Variants in SDC2 observed in about 807,000 individuals in gnomAD.
SDC2 encodes the protein syndecan 2, also known as syndecan-2.
Under a neutral mutation model 22.2 loss-of-function variants are expected in SDC2, and 13 were observed. The ratio of observed to expected loss-of-function variants is 0.59; its 90% CI spans 0.38 to 0.93. The LOEUF (loss-of-function observed/expected upper bound fraction) is 0.93. Ranked by LOEUF, SDC2 falls within the 40% of genes least tolerant of loss-of-function variation. SDC2 has a pLI of 0.00. For missense variants in SDC2, 235 were observed against 246.8 expected (o/e 0.95, Z 0.32); for synonymous variants, 94 against 92.8 (o/e 1.01, Z -0.07).
chr8:96,511,594 A>G (rs73271664), intron 1 of SDC2, among the ~76,000 whole-genome samples: 9,095 of 152,184 alleles, frequency 0.06, 902 homozygotes, highest in African/African-American at 0.21. Context: ...GACTCAGGGA[A>G]GCAATCACTG....
At chr8:96,601,992 T>A (rs1814996733) in intron 2 of SDC2, among the ~76,000 whole-genome samples, 1 of 152,070 alleles carries the variant, frequency 6.6e-6, no homozygotes, top group Admixed American at 6.5e-5. Context: ...TCTCCTGACC[T>A]CGTGATCCGC....
At chr8:96,547,443 C>T (rs1411960088) in intron 1 of SDC2, among the ~76,000 whole-genome samples, 3 of 152,184 alleles carry the variant, frequency 2.0e-5, no homozygotes, top group East Asian at 3.9e-4. Flanking sequence ...CAACGCTGTC[C>T]ACTGGGCTAT....
At chr8:96,580,603 A>G in intron 1 of SDC2, 1 of 830,284 alleles carries the variant, frequency 1.2e-6, no homozygotes, top group East Asian at 1.2e-4. Flanking sequence ...TCTATTAAAT[A>G]TTAGAAACAT....
At chr8:96,516,297 T>C (rs73271673) in intron 1 of SDC2, among the ~76,000 whole-genome samples, 9,279 of 152,198 alleles carry the variant, frequency 0.061, 975 homozygotes, top group African/African-American at 0.21. Flanking sequence ...GATCAAAACA[T>C]AGCAAGCGTT....
chr8:96,602,523 A>T lies in SDC2; in HGVS notation c.301A>T (p.Thr101Ser). The T allele has an allele frequency of 6.2e-7, 1 of 1,614,032 alleles. No individual in the cohort carries two copies. Among genetic ancestry groups the T allele is most frequent in the Non-Finnish European group, 8.5e-7 (1 of 1,179,934 alleles). The change falls in exon 3 of 5, where the codon ACA (threonine) becomes TCA (serine). Residue 101 changes from threonine to serine, a missense_variant. Transcript: ENST00000302190. ...TATACAGAACAAGATACCTGCTCAG[A>T]CAAAGGTGCGTTCTATTTTCCATTG... ...LNIQNKIPAQ[T>S]KSPEETDKEK... is the part of the protein sequence containing the mutation.
At chr8:96,511,641 A>G (rs921469316) in intron 1 of SDC2, among the ~76,000 whole-genome samples, 1 of 152,184 alleles carries the variant, frequency 6.6e-6, no homozygotes, top group East Asian at 1.9e-4. Flanking sequence ...TGAAGGACCC[A>G]GGACCATTTC....
intron 1 of SDC2, among the ~76,000 whole-genome samples, chr8:96,506,610 A>G (rs1011231623): frequency 6.6e-6 from 1 of 152,042 alleles, no homozygotes; most frequent in Non-Finnish European, 1.5e-5. Flanking sequence ...CTGAGTAGCT[A>G]GGACTACAGG....
intron 1 of SDC2, among the ~76,000 whole-genome samples, chr8:96,530,288 C>T (rs1813639787): frequency 1.3e-5 from 2 of 152,076 alleles, no homozygotes; most frequent in African/African-American, 2.4e-5. Flanking sequence ...GTTAATATGC[C>T]ATAACATAAT....
chr8:96,557,816 A>G (rs188424951), intron 1 of SDC2, among the ~76,000 whole-genome samples: 6 of 152,270 alleles, frequency 3.9e-5, no homozygotes, highest in Admixed American at 2.6e-4. Flanking sequence ...GCTGAACAGT[A>G]TTTTTATCTC....
intron 1 of SDC2, among the ~76,000 whole-genome samples, chr8:96,510,704 T>C (rs1294135012): frequency 6.6e-6 from 1 of 152,200 alleles, no homozygotes; most frequent in African/African-American, 2.4e-5. Context: ...GCTATTAAAA[T>C]GAACCATTTA....
chr8:96,605,892 G>T (rs1815070411), intron 3 of SDC2, among the ~76,000 whole-genome samples: 1 of 152,100 alleles, frequency 6.6e-6, no homozygotes, highest in Non-Finnish European at 1.5e-5. Flanking sequence ...ATGTGGTCAG[G>T]GTCCCACAGG....
intron 1 of SDC2, among the ~76,000 whole-genome samples, chr8:96,545,805 G>A (rs954522323): frequency 6.6e-6 from 1 of 152,154 alleles, no homozygotes; most frequent in Non-Finnish European, 1.5e-5. Flanking sequence ...TTGGTGTGAT[G>A]GAATCCCTGC....
At chr8:96,540,346 A>G (rs552731986) in intron 1 of SDC2, among the ~76,000 whole-genome samples, 1 of 146,760 alleles carries the variant, frequency 6.8e-6, no homozygotes, top group African/African-American at 2.5e-5. Flanking sequence ...ATGTGTATAT[A>G]TATATATATA....
At chr8:96,557,664 T>C (rs541946963) in intron 1 of SDC2, among the ~76,000 whole-genome samples, 68 of 152,236 alleles carry the variant, frequency 4.5e-4, no homozygotes, top group African/African-American at 1.6e-3. Context: ...CTGGGAGATA[T>C]ACCTAATGGT....
chr8:96,576,416 CTTTTTTTTT>C (rs71267268), intron 1 of SDC2, among the ~76,000 whole-genome samples: 1 of 13,808 alleles, frequency 7.2e-5, no homozygotes, highest in Non-Finnish European at 1.9e-4. Flanking sequence ...TTATTATTCT[CTTTTTTTTT>C]TTTTTTTTTT....
chr8:96,609,329 TA>T (rs1815137340), intron 4 of SDC2, 55 bp from the exon 5 acceptor site: 3 of 1,394,144 alleles, frequency 2.2e-6, no homozygotes, highest in Non-Finnish European at 2.9e-6. Context: ...ACAATAAAGC[TA>T]ATGTCTGCAA....
intron 1 of SDC2, among the ~76,000 whole-genome samples, chr8:96,574,699 A>G (rs1264005612): frequency 6.6e-6 from 1 of 152,210 alleles, no homozygotes; most frequent in Non-Finnish European, 1.5e-5. Flanking sequence ...TTAAAGTGCT[A>G]GGCTTGTCTT....
At chr8:96,589,356 A>G (rs1197658554) in intron 1 of SDC2, among the ~76,000 whole-genome samples, 1 of 151,978 alleles carries the variant, frequency 6.6e-6, no homozygotes. Context: ...CCACTTGGTA[A>G]AGAACTTTTT....
chr8:96,566,580 C>A (rs1415090331), intron 1 of SDC2, among the ~76,000 whole-genome samples: 1 of 151,988 alleles, frequency 6.6e-6, no homozygotes, highest in Non-Finnish European at 1.5e-5. Flanking sequence ...ATGTGAAATA[C>A]AACTAGCAAG....
Sources: gnomAD v4.1 joint callset for allele counts (sites outside exome capture counted in the v4.1 genomes callset) on GRCh38, gnomAD v4.1.1 for gene constraint, MANE v1.5 for transcripts, NCBI Gene and HGNC (gene_info 2026-07-23, HGNC 2026-07-21) for gene names.